Variants in ITGA1 observed in about 807,000 individuals in gnomAD.
ITGA1 encodes the protein integrin alpha-1.
ITGA1 carries 85 observed loss-of-function variants against 145.9 expected under a neutral mutation model. The observed-to-expected ratio is 0.58, with a 90% CI of 0.49 to 0.70. The LOEUF is 0.70. Ranked by LOEUF, ITGA1 falls within the 30% of genes least tolerant of loss-of-function variation. The probability of loss-of-function intolerance (pLI) is 0.00; values close to 1 mark genes in which losing one functional copy is unlikely to be tolerated. For missense variants in ITGA1, 1,351 were observed against 1,418.7 expected (o/e 0.95, Z 0.77); for synonymous variants, 520 against 495.3 (o/e 1.05, Z -0.66).
intron 21 of ITGA1, among the ~76,000 whole-genome samples, chr5:52,930,751 C>T (rs2111887332): frequency 6.6e-6 from 1 of 152,092 alleles, no homozygotes; most frequent in Non-Finnish European, 1.5e-5. Flanking sequence ...AAAAGGTTAT[C>T]AATTTTAGCT....
At chr5:52,919,259 T>C (rs1232016999) in intron 16 of ITGA1, among the ~76,000 whole-genome samples, 1 of 152,218 alleles carries the variant, frequency 6.6e-6, no homozygotes, top group Non-Finnish European at 1.5e-5. Flanking sequence ...TGTAGGTTTC[T>C]ACCATGACTC....
intron 1 of ITGA1, chr5:52,825,185 T>C (rs1175304073): frequency 6.6e-6 from 1 of 152,252 alleles, no homozygotes; most frequent in Admixed American, 6.5e-5. Flanking sequence ...ATATTTCATA[T>C]AAATGAAATC....
intron 2 of ITGA1, among the ~76,000 whole-genome samples, chr5:52,860,708 C>T (rs1158992188): frequency 6.6e-6 from 1 of 152,128 alleles, no homozygotes; most frequent in Non-Finnish European, 1.5e-5. Flanking sequence ...GTGGATCCAC[C>T]CAAGTATCTT....
chr5:52,880,177 A>G (rs11957074), intron 6 of ITGA1, among the ~76,000 whole-genome samples: 17,726 of 152,066 alleles, frequency 0.12, 2,652 homozygotes, highest in African/African-American at 0.35. Flanking sequence ...GAGCCCTTGG[A>G]TAAGGGATAC....
intron 6 of ITGA1, among the ~76,000 whole-genome samples, chr5:52,873,392 C>G (rs553089818): frequency 2.0e-4 from 30 of 152,288 alleles, no homozygotes; most frequent in African/African-American, 6.5e-4. Context: ...ACGTCACTTT[C>G]ATTGTAGCAT....
intron 6 of ITGA1, among the ~76,000 whole-genome samples, chr5:52,866,156 A>G (rs1749683976): frequency 6.6e-6 from 1 of 152,158 alleles, no homozygotes; most frequent in Non-Finnish European, 1.5e-5. Flanking sequence ...CTGGAATTAC[A>G]GGCATGCGCC....
Position 52,922,681 on chromosome 5 carries a change from A to G in ITGA1, c.2293-96A>G, listed in dbSNP as rs1750748182. The G allele has an allele frequency of 3.8e-6, 3 of 785,314 alleles. No homozygotes were observed. The South Asian group carries it at 4.8e-5, about 13-fold the overall frequency. 48.6% of individuals were successfully genotyped at this position (785,314 alleles called of 1,614,324 possible). On this transcript the variant is annotated intron_variant, in intron 17 of 28. Transcript: ENST00000282588. ...ATTAGATGCACAAGAATGCTGCAGT[A>G]AGCCTGACCCTTGGGAACAGAAGAA... is the stretch of plus-strand genomic sequence containing the variant.
At position 52,953,532 on chromosome 5, in the gene ITGA1, A is replaced by C. The variant is rs1389923376; in HGVS notation, c.*1081A>C. 1 of 152,246 alleles carries C rather than the reference A, an allele frequency of 6.6e-6. No individual in the cohort carries two copies. Among genetic ancestry groups the C allele is most frequent in the Non-Finnish European group, 1.5e-5 (1 of 68,044 alleles). The allele number at this position is 152,246 out of a possible 1,614,324, so 9.4% of individuals were successfully genotyped here. On this transcript the variant is annotated 3_prime_UTR_variant, in exon 29 of 29. Transcript: ENST00000282588. ...TTTTGAAAAGACAATTTTCCATTTCAGTATTACATTTTACCAAGAAGTCAC... is the reference window on the plus strand; with the variant it reads ...TTTTGAAAAGACAATTTTCCATTTCCGTATTACATTTTACCAAGAAGTCAC...
At chr5:52,927,467 C>A in intron 19 of ITGA1, 117 bp from the exon 20 acceptor site, 1 of 649,006 alleles carries the variant, frequency 1.5e-6, no homozygotes, top group Non-Finnish European at 2.7e-6. Context: ...CCAGCTAAAT[C>A]GAGACAAAAA....
At chr5:52,879,464 C>T (rs1409326249) in intron 6 of ITGA1, among the ~76,000 whole-genome samples, 1 of 152,158 alleles carries the variant, frequency 6.6e-6, no homozygotes, top group East Asian at 1.9e-4. Flanking sequence ...TTTATTTACA[C>T]TGAACATTTA....
chr5:52,804,916 T>C (rs1430567541), intron 1 of ITGA1, among the ~76,000 whole-genome samples: 2 of 152,172 alleles, frequency 1.3e-5, no homozygotes, highest in Non-Finnish European at 2.9e-5. Context: ...AGAACTTAGA[T>C]ATGGGGTGTA....
At chr5:52,864,002 A>T (rs565288266) in intron 3 of ITGA1, 1 of 152,348 alleles carries the variant, frequency 6.6e-6, no homozygotes, top group South Asian at 2.1e-4. Context: ...ACATGAAAAC[A>T]ACCTCTGGAA....
chr5:52,845,134 A>C (rs1749313027), intron 1 of ITGA1, among the ~76,000 whole-genome samples: 1 of 152,130 alleles, frequency 6.6e-6, no homozygotes, highest in Non-Finnish European at 1.5e-5. Context: ...GAATAAATAA[A>C]CAGCCCCAAA....
chr5:52,937,275 A>G (rs1250201409), intron 23 of ITGA1, 126 bp from the exon 24 acceptor site: 4 of 680,384 alleles, frequency 5.9e-6, no homozygotes, highest in African/African-American at 1.8e-5. Context: ...TAAAGGATCT[A>G]CATTTGTTTG....
At position 52,792,705 on chromosome 5, in the gene ITGA1, AT is replaced by A. The variant is rs1308809346; in HGVS notation, c.61+4294del. ...ATAAAGTAGCTCATGTTTAAAATAT[AT>A]TTAGAAAAGTTGGGGACTAAAATGC... On this transcript the variant is annotated intron_variant, in intron 1 of 28. Transcript: ENST00000282588. 2.0e-5 allele frequency among the ~76,000 whole-genome samples: 3 copies of A among 152,294 alleles called. No homozygotes were observed. In the East Asian group the frequency reaches 5.8e-4, roughly 29 times the overall value.
At position 52,932,128 on chromosome 5, in the gene ITGA1, G is replaced by A; in HGVS notation, c.2853G>A (p.Gln951=). Residue 951 remains glutamine, a synonymous_variant, in exon 22 of 29, where the codon CAG becomes CAA. Transcript: ENST00000282588. The part of the protein sequence containing the change: ...SIPVKYEVGL[Q]FYSSASEYHI... Reference sequence around the variant, plus strand: ...CGGTAAAATATGAAGTTGGACTACAGTTTTACAGGTAGGAGAAAACTACAT... The same window carrying A: ...CGGTAAAATATGAAGTTGGACTACAATTTTACAGGTAGGAGAAAACTACAT... 6.3e-7 allele frequency: 1 copy of A among 1,584,542 alleles called. No homozygotes were observed. Among genetic ancestry groups the A allele is most frequent in the Non-Finnish European group, 8.7e-7 (1 of 1,153,826 alleles).
At chr5:52,897,559 A>G in intron 10 of ITGA1, 31 bp downstream of exon 10, 1 of 1,569,160 alleles carries the variant, frequency 6.4e-7, no homozygotes, top group Non-Finnish European at 8.8e-7. Context: ...AAAATGAAAT[A>G]TATGTTTGCA....
At chr5:52,823,523 G>A (rs1288389441) in intron 1 of ITGA1, among the ~76,000 whole-genome samples, 8 of 152,120 alleles carry the variant, frequency 5.3e-5, no homozygotes, top group African/African-American at 1.2e-4. Flanking sequence ...TTTAAATGGT[G>A]ATGATTATGT....
At chr5:52,822,776 G>A (rs1037289686) in intron 1 of ITGA1, among the ~76,000 whole-genome samples, 3 of 152,182 alleles carry the variant, frequency 2.0e-5, no homozygotes, top group African/African-American at 7.2e-5. Flanking sequence ...TAATGAAGAT[G>A]GTTCATCACT....
Sources: gnomAD v4.1 joint callset for allele counts (sites outside exome capture counted in the v4.1 genomes callset) on GRCh38, gnomAD v4.1.1 for gene constraint, MANE v1.5 for transcripts, NCBI Gene and HGNC (gene_info 2026-07-23, HGNC 2026-07-21) for gene names.